PRUNE2: variants seen among roughly 807,000 people sequenced by gnomAD.
PRUNE2 encodes protein prune homolog 2.
Under a neutral mutation model 252.0 loss-of-function variants are expected in PRUNE2, and 164 were observed. The ratio of observed to expected loss-of-function variants is 0.65; its 90% CI spans 0.57 to 0.74. The LOEUF is 0.74. PRUNE2 is among the 30% of genes least tolerant of loss of function. The probability of loss-of-function intolerance (pLI) is 0.00; values close to 1 mark genes in which losing one functional copy is unlikely to be tolerated. For missense variants in PRUNE2, 3,495 were observed against 3,711.0 expected (o/e 0.94, Z 1.51); for synonymous variants, 1,292 against 1,350.2 (o/e 0.96, Z 0.94).
intron 12 of PRUNE2, among the ~76,000 whole-genome samples, chr9:76,641,471 T>C (rs1347039230): frequency 6.6e-6 from 1 of 152,168 alleles, no homozygotes; most frequent in African/African-American, 2.4e-5. Context: ...ATTTAAAAAA[T>C]CAGATAATAC....
chr9:76,732,003 C>T (rs931555841), intron 6 of PRUNE2, among the ~76,000 whole-genome samples: 7 of 152,194 alleles, frequency 4.6e-5, no homozygotes, highest in African/African-American at 7.2e-5. Context: ...GACCCTGATA[C>T]GTGCATTTAT....
Position 76,705,608 on chromosome 9 carries a change from G to C in PRUNE2, c.6666C>G (p.Asp2222Glu), listed in dbSNP as rs1165105384. Residue 2222 changes from aspartate to glutamate, a missense_variant, in exon 8 of 19, where the codon GAC (aspartate) becomes GAG (glutamate). By Grantham distance (45) the Asp-to-Glu change is conservative (BLOSUM62 2). Transcript: ENST00000376718. ...PDMAPILEPV[D>E]RRIPRIENVA... is the part of the protein sequence containing the mutation. ...CATTTTCAATCCTTGGGATTCTTCT[G>C]TCAACTGGTTCCAAAATTGGTGCCA... 1 of 1,614,006 alleles carries C rather than the reference G, an allele frequency of 6.2e-7. No individual in the cohort carries two copies. The highest frequency in any genetic ancestry group is 8.5e-7 in the Non-Finnish European group (1 of 1,179,880).
chr9:76,706,303 C>T lies in PRUNE2; in HGVS notation c.5971G>A (p.Glu1991Lys). ...SCVTSNVSTNEGQETNQWEQE... is the reference protein window; with the variant it reads ...SCVTSNVSTNKGQETNQWEQE... Reference sequence around the variant, plus strand: ...TCCCACTGATTTGTTTCTTGACCTTCATTAGTTGAAACATTAGATGTAACA... The same window carrying T: ...TCCCACTGATTTGTTTCTTGACCTTTATTAGTTGAAACATTAGATGTAACA... Residue 1991 changes from glutamate to lysine, a missense_variant, in exon 8 of 19, where the codon GAA becomes AAA. By Grantham distance (56) the Glu-to-Lys change is moderately conservative. Transcript: ENST00000376718. 1 of 1,613,966 alleles carries T rather than the reference C, an allele frequency of 6.2e-7. No homozygotes were observed. The highest frequency in any genetic ancestry group is 8.5e-7 in the Non-Finnish European group (1 of 1,179,868).
At chr9:76,653,671 A>AAT (rs796733587) in intron 10 of PRUNE2, among the ~76,000 whole-genome samples, 18 of 152,194 alleles carry the variant, frequency 1.2e-4, no homozygotes, top group African/African-American at 4.1e-4. Context: ...ACACTCCCAA[A>AAT]ATACTTCTTT....
At chr9:76,898,625 G>A (rs1326708285) in intron 1 of PRUNE2, among the ~76,000 whole-genome samples, 4 of 151,832 alleles carry the variant, frequency 2.6e-5, no homozygotes, top group Non-Finnish European at 5.9e-5. Context: ...ATACATTAAA[G>A]TAAAAAAATT....
chr9:76,755,824 G>A lies in PRUNE2; in HGVS notation c.757-42103C>T, dbSNP rs371121875. Among the ~76,000 whole-genome samples, 354 of 152,130 alleles carry A rather than the reference G, an allele frequency of 2.3e-3. 1 individual carries two copies. Among genetic ancestry groups the A allele is most frequent in the Non-Finnish European group, 3.8e-3 (258 of 67,992 alleles). ...TCAAACGATTGTCTCGCTTCAGCCC[G>A]CCAAGTAGCTGAGACCACAGGTGCA... is the stretch of plus-strand genomic sequence containing the variant. On this transcript the variant is annotated intron_variant, in intron 6 of 18. Transcript: ENST00000376718.
intron 16 of PRUNE2, among the ~76,000 whole-genome samples, chr9:76,627,531 G>T (rs1427954059): frequency 6.6e-6 from 1 of 152,058 alleles, no homozygotes; most frequent in African/African-American, 2.4e-5. Context: ...AGCTAATGAG[G>T]GTTGAAGCCG....
At chr9:76,855,082 A>AAAAAAAAAAAAATATATATATAT (rs1490285240) in intron 1 of PRUNE2, among the ~76,000 whole-genome samples, 4 of 109,412 alleles carry the variant, frequency 3.7e-5, no homozygotes, top group African/African-American at 1.5e-4. Flanking sequence ...AAAAAAAAAA[A>AAAAAAAAAAAAATATATATATAT]ATATATATAT....
intron 6 of PRUNE2, among the ~76,000 whole-genome samples, chr9:76,806,109 C>T (rs2131636421): frequency 6.6e-6 from 1 of 152,272 alleles, no homozygotes; most frequent in South Asian, 2.1e-4. Context: ...AGTGCGGTCT[C>T]TGAACCAGCG....
intron 9 of PRUNE2, 50 bp from the exon 10 acceptor site, chr9:76,655,552 C>CATT: frequency 1.5e-6 from 2 of 1,373,306 alleles, no homozygotes; most frequent in Non-Finnish European, 2.1e-6. Flanking sequence ...TGTAAGACTT[C>CATT]ATTTCTTTTG....
rs1361003901 is a variant in PRUNE2, at chr9:76,703,838, G to T, written c.7775C>A (p.Ala2592Glu). 3.1e-6 allele frequency: 5 copies of T among 1,613,872 alleles called. No individual in the cohort carries two copies. The African/African-American group carries it at 5.3e-5, about 17-fold the overall frequency. Residue 2592 changes from alanine (A) to glutamate (E), a missense_variant, in exon 9 of 19, where the codon GCA becomes GAA. Ala to Glu is a moderately radical substitution (Grantham distance 107). Coordinates refer to ENST00000376718, the MANE Select transcript of PRUNE2 (RefSeq NM_015225.3). ...KETGLQGTQL[A>E]SFPDTCQPAS... ...TGGCTGACATGTGTCTGGGAAGCTT[G>T]CTAACTGAGTTCCCTGCAGCCCTGT...
intron 9 of PRUNE2, among the ~76,000 whole-genome samples, chr9:76,671,898 G>A (rs1442787586): frequency 1.3e-5 from 2 of 152,128 alleles, no homozygotes; most frequent in East Asian, 3.9e-4. Flanking sequence ...AGCTCCTGAA[G>A]GAAGCACTAA....
At chr9:76,770,516 T>C (rs990118489) in intron 6 of PRUNE2, among the ~76,000 whole-genome samples, 18 of 152,212 alleles carry the variant, frequency 1.2e-4, no homozygotes, top group African/African-American at 4.1e-4. Flanking sequence ...TTCATGAAAT[T>C]GACATTCATC....
At chr9:76,662,060 C>T in intron 9 of PRUNE2, among the ~76,000 whole-genome samples, 1 of 152,138 alleles carries the variant, frequency 6.6e-6, no homozygotes, top group Admixed American at 6.5e-5. Context: ...CAATAAAGCC[C>T]TGCACATCCA....
chr9:76,647,007 G>A (rs1564444575), intron 11 of PRUNE2, among the ~76,000 whole-genome samples: 1 of 152,068 alleles, frequency 6.6e-6, no homozygotes, highest in Non-Finnish European at 1.5e-5. Flanking sequence ...TGGGCAACAT[G>A]GCGAAACCCA....
chr9:76,810,346 G>T (rs895430634), intron 6 of PRUNE2, among the ~76,000 whole-genome samples: 1 of 152,066 alleles, frequency 6.6e-6, no homozygotes, highest in South Asian at 2.1e-4. Context: ...ACTCAAAAAA[G>T]GTATGATAGA....
At chr9:76,855,604 G>C (rs543934672) in intron 1 of PRUNE2, among the ~76,000 whole-genome samples, 1 of 152,300 alleles carries the variant, frequency 6.6e-6, no homozygotes, top group African/African-American at 2.4e-5. Context: ...AAATCTTGGA[G>C]GGGGCTAGGT....
intron 18 of PRUNE2, among the ~76,000 whole-genome samples, chr9:76,616,811 G>C (rs954947011): frequency 2.0e-5 from 3 of 149,958 alleles, no homozygotes; most frequent in Non-Finnish European, 2.9e-5. Flanking sequence ...GCTAATTTAA[G>C]CTTCTTCAAA....
At position 76,636,523 on chromosome 9, in the gene PRUNE2, G is replaced by A; in HGVS notation, c.8998C>T (p.His3000Tyr). 2 of 1,555,236 alleles carry A rather than the reference G, an allele frequency of 1.3e-6. No homozygotes were observed. ...RKNLKSFIIV[H>Y]PSWFIRTILA... is the part of the protein sequence containing the mutation. ...ATTGTTCTGATGAACCAAGATGGAT[G>A]AACAATGATGAATGATTTCAAATTC... Residue 3000 changes from histidine to tyrosine, a missense_variant, in exon 15 of 19, where the codon CAT (histidine) becomes TAT (tyrosine). His to Tyr is a moderately conservative substitution (Grantham distance 83). Transcript: ENST00000376718.
Sources: gnomAD v4.1 joint callset for allele counts (sites outside exome capture counted in the v4.1 genomes callset) on GRCh38, gnomAD v4.1.1 for gene constraint, MANE v1.5 for transcripts, NCBI Gene and HGNC (gene_info 2026-07-23, HGNC 2026-07-21) for gene names.